The following COL4A2 variants were observed in gnomAD, a reference collection of about 807,000 sequenced individuals.
COL4A2 encodes the protein collagen alpha-2(IV) chain.
COL4A2 carries 99 observed loss-of-function variants against 200.2 expected under a neutral mutation model. That is an observed-to-expected ratio of 0.49 (90% CI 0.42 to 0.58). COL4A2 has a LOEUF of 0.58. COL4A2 is among the 20% of genes least tolerant of loss of function. The probability of loss-of-function intolerance (pLI) is 0.00; values close to 1 mark genes in which losing one functional copy is unlikely to be tolerated. For synonymous variants in COL4A2, 897 were observed against 900.6 expected, an observed-to-expected ratio of 1.00 and a Z score of 0.07; for missense variants, 1,950 against 2,314.1, an observed-to-expected ratio of 0.84 and a Z score of 3.23.
chr13:110,413,634 T>A (rs12868152), intron 4 of COL4A2, among the ~76,000 whole-genome samples: 9,677 of 152,150 alleles, frequency 0.064, 307 homozygotes, highest in Middle Eastern at 0.12. Context: ...TGGGAAGGGG[T>A]GTGCCAGGGC....
intron 10 of COL4A2, 66 bp from the exon 11 acceptor site, chr13:110,432,259 C>T: frequency 5.2e-6 from 8 of 1,540,238 alleles, no homozygotes; most frequent in Non-Finnish European, 7.0e-6. Flanking sequence ...CCAGAGCTTT[C>T]CACCAGATGT....
intron 40 of COL4A2, 96 bp downstream of exon 40, chr13:110,495,563 T>G: frequency 6.8e-7 from 1 of 1,476,112 alleles, no homozygotes; most frequent in East Asian, 2.3e-5. Flanking sequence ...GGAGAGGCTG[T>G]GCAGAAGTGC....
intron 4 of COL4A2, among the ~76,000 whole-genome samples, chr13:110,384,016 G>A (rs954993250): frequency 6.6e-6 from 1 of 152,220 alleles, no homozygotes; most frequent in African/African-American, 2.4e-5. Context: ...AAGGACTGCT[G>A]TGCAGGCGGT....
chr13:110,386,309 G>T (rs148573210), intron 4 of COL4A2, among the ~76,000 whole-genome samples: 1 of 152,146 alleles, frequency 6.6e-6, no homozygotes, highest in Non-Finnish European at 1.5e-5. Flanking sequence ...CAAGGTTTTC[G>T]GACACATGCT....
At chr13:110,344,970 G>A (rs565288435) in intron 3 of COL4A2, among the ~76,000 whole-genome samples, 1 of 152,224 alleles carries the variant, frequency 6.6e-6, no homozygotes, top group East Asian at 1.9e-4. Flanking sequence ...GTCTGCCCCA[G>A]CTCTGTTTTT....
intron 3 of COL4A2, among the ~76,000 whole-genome samples, chr13:110,318,760 T>C (rs1196790050): frequency 2.0e-5 from 3 of 152,188 alleles, no homozygotes; most frequent in Non-Finnish European, 4.4e-5. Flanking sequence ...ATTGCGGTGC[T>C]TGATCAACAC....
chr13:110,442,235 T>A (rs912453010), intron 16 of COL4A2, among the ~76,000 whole-genome samples: 2 of 151,934 alleles, frequency 1.3e-5, no homozygotes, highest in Admixed American at 1.3e-4. Flanking sequence ...TGGTGAGGCG[T>A]CAGGCTTTCA....
intron 3 of COL4A2, among the ~76,000 whole-genome samples, chr13:110,313,958 T>C (rs1885064550): frequency 6.6e-6 from 1 of 152,354 alleles, no homozygotes; most frequent in East Asian, 1.9e-4. Context: ...TCTGTTGCCT[T>C]GGATGAAGCT....
chr13:110,491,876 T>G (rs1202359716), intron 37 of COL4A2, among the ~76,000 whole-genome samples, 194 bp from the exon 38 acceptor site: 1 of 152,180 alleles, frequency 6.6e-6, no homozygotes. Flanking sequence ...GCAAATCCTA[T>G]TGAATTTGTA....
chr13:110,469,850 C>G (rs1882395098), intron 28 of COL4A2, among the ~76,000 whole-genome samples: 1 of 150,724 alleles, frequency 6.6e-6, no homozygotes, highest in African/African-American at 2.4e-5. Context: ...GCAGTTGTGC[C>G]ACAGGCGATG....
intron 3 of COL4A2, among the ~76,000 whole-genome samples, chr13:110,343,891 C>G (rs79090126): frequency 2.2e-4 from 33 of 152,290 alleles, no homozygotes; most frequent in Non-Finnish European, 4.6e-4. Flanking sequence ...TAAATAGCTT[C>G]AAGAGATGGA....
chr13:110,323,551 A>G (rs762346717), intron 3 of COL4A2, among the ~76,000 whole-genome samples: 9 of 152,242 alleles, frequency 5.9e-5, no homozygotes, highest in Non-Finnish European at 1.2e-4. Context: ...CTCCTCTCCT[A>G]GACAGACAGA....
chr13:110,400,315 T>G (rs1879328689), intron 4 of COL4A2, among the ~76,000 whole-genome samples: 1 of 152,258 alleles, frequency 6.6e-6, no homozygotes, highest in Admixed American at 6.5e-5. Context: ...TTTAAGTATT[T>G]TCTGAACATT....
intron 4 of COL4A2, among the ~76,000 whole-genome samples, chr13:110,413,438 C>T (rs188713772): frequency 2.0e-5 from 3 of 152,268 alleles, no homozygotes; most frequent in Admixed American, 1.3e-4. Context: ...AAGCCCCGGC[C>T]GCCTCCTCCA....
intron 32 of COL4A2, among the ~76,000 whole-genome samples, chr13:110,483,266 T>C (rs529845480): frequency 3.2e-4 from 49 of 152,244 alleles, no homozygotes; most frequent in Non-Finnish European, 1.6e-4. Flanking sequence ...AGAGTGTGTG[T>C]TGGTGAGGAG....
At chr13:110,415,618 AATTTTTTTTT>A (rs1880010572) in intron 4 of COL4A2, among the ~76,000 whole-genome samples, 1 of 152,174 alleles carries the variant, frequency 6.6e-6, no homozygotes, top group Non-Finnish European at 1.5e-5. Context: ...TAACTTAAAG[AATTTTTTTTT>A]CTCTCATATA....
intron 29 of COL4A2, among the ~76,000 whole-genome samples, chr13:110,477,543 C>T (rs1882749254): frequency 6.6e-6 from 1 of 152,274 alleles, no homozygotes; most frequent in East Asian, 1.9e-4. Flanking sequence ...AGAAAACTCC[C>T]CAACTATTCC....
intron 8 of COL4A2, 170 bp from the exon 9 acceptor site, chr13:110,430,231 T>C (rs1880625198): frequency 3.7e-6 from 3 of 821,310 alleles, no homozygotes; most frequent in Non-Finnish European, 3.4e-6. Context: ...CTAAAATATA[T>C]TCTGACTAAA....
intron 3 of COL4A2, among the ~76,000 whole-genome samples, chr13:110,317,069 G>A (rs1415593578): frequency 6.7e-6 from 1 of 149,970 alleles, no homozygotes; most frequent in Non-Finnish European, 1.5e-5. Context: ...GGCACACGTA[G>A]ACACACACAT....
Sources: gnomAD v4.1 joint callset for allele counts (sites outside exome capture counted in the v4.1 genomes callset) on GRCh38, gnomAD v4.1.1 for gene constraint, MANE v1.5 for transcripts, NCBI Gene and HGNC (gene_info 2026-07-23, HGNC 2026-07-21) for gene names.